GRIN2A: variants seen among roughly 807,000 people sequenced by gnomAD.
The protein encoded by GRIN2A is glutamate ionotropic receptor NMDA type subunit 2A, also known as glutamate receptor ionotropic, NMDA 2A.
Under a neutral mutation model 113.4 loss-of-function variants are expected in GRIN2A, and 22 were observed. The observed-to-expected ratio is 0.19, with a 90% CI of 0.14 to 0.28. The LOEUF (loss-of-function observed/expected upper bound fraction) is 0.28. Among genes scored for constraint, GRIN2A ranks in the 10% least tolerant of loss-of-function variants. The pLI, the probability that GRIN2A is intolerant of heterozygous loss-of-function variation, is 1.00. For synonymous variants in GRIN2A, 827 were observed against 738.4 expected (o/e 1.12, Z -1.94); for missense variants, 1,502 against 1,887.0 (o/e 0.80, Z 3.78).
chr16:9,968,527 GGT>G (rs1194897824), intron 2 of GRIN2A, among the ~76,000 whole-genome samples: 2 of 152,076 alleles, frequency 1.3e-5, no homozygotes, highest in African/African-American at 4.8e-5. Context: ...TGGCCAGGAT[GGT>G]CTCGAACTCC....
intron 2 of GRIN2A, among the ~76,000 whole-genome samples, chr16:10,035,759 T>C (rs2047014021): frequency 6.6e-6 from 1 of 151,416 alleles, no homozygotes; most frequent in African/African-American, 2.4e-5. Flanking sequence ...GGTCTCACTC[T>C]GTCACCCAGG....
intron 2 of GRIN2A, among the ~76,000 whole-genome samples, chr16:10,166,227 A>G (rs2049920389): frequency 6.6e-6 from 1 of 152,232 alleles, no homozygotes; most frequent in African/African-American, 2.4e-5. Flanking sequence ...GAGACAAGAT[A>G]GAGCAGGAGA....
intron 2 of GRIN2A, among the ~76,000 whole-genome samples, chr16:9,945,943 C>T (rs993355497): frequency 2.0e-5 from 3 of 152,074 alleles, no homozygotes; most frequent in Admixed American, 2.0e-4. Flanking sequence ...AGTTTACCAC[C>T]CAGAGCCAAG....
At chr16:9,945,568 T>C (rs1408093690) in intron 2 of GRIN2A, among the ~76,000 whole-genome samples, 1 of 152,180 alleles carries the variant, frequency 6.6e-6, no homozygotes, top group African/African-American at 2.4e-5. Flanking sequence ...ACAACTCCTC[T>C]GCTAAATGTG....
At chr16:10,014,060 C>T (rs575430897) in intron 2 of GRIN2A, among the ~76,000 whole-genome samples, 3 of 152,292 alleles carry the variant, frequency 2.0e-5, no homozygotes, top group African/African-American at 4.8e-5. Flanking sequence ...CCTGTGTCCC[C>T]GTCTAGATTG....
rs574042092 is a variant in GRIN2A, at chr16:10,100,717, C to A, written c.414+79281G>T. ...ATGTTATTTGAAGGCATAGTGCCCC[C>A]CTGCTGGATTCACTTTATAACAATC... is the stretch of plus-strand genomic sequence containing the variant. On this transcript the variant is annotated intron_variant, in intron 2 of 12. Transcript: ENST00000330684. Among the ~76,000 whole-genome samples the A allele has an allele frequency of 2.6e-5, 4 of 152,332 alleles. No individual in the cohort carries two copies. The East Asian group carries it at 7.7e-4, about 29-fold the overall frequency.
chr16:10,012,252 CTGAT>C (rs1255612447), intron 2 of GRIN2A, among the ~76,000 whole-genome samples: 6 of 152,150 alleles, frequency 3.9e-5, no homozygotes, highest in Admixed American at 3.9e-4. Context: ...TTGAATTGAA[CTGAT>C]TATGTGACAT....
intron 2 of GRIN2A, among the ~76,000 whole-genome samples, chr16:10,057,703 G>T (rs2047479363): frequency 6.6e-6 from 1 of 152,104 alleles, no homozygotes; most frequent in Non-Finnish European, 1.5e-5. Flanking sequence ...TTGGGTAAGT[G>T]CTACACACTC....
intron 7 of GRIN2A, among the ~76,000 whole-genome samples, chr16:9,840,371 A>G (rs898974443): frequency 6.6e-6 from 1 of 152,170 alleles, no homozygotes; most frequent in Non-Finnish European, 1.5e-5. Flanking sequence ...CTCACTCATT[A>G]TCACAAGAAC....
At chr16:9,938,680 C>A in intron 2 of GRIN2A, 129 bp from the exon 3 acceptor site, 1 of 716,934 alleles carries the variant, frequency 1.4e-6, no homozygotes, top group Non-Finnish European at 2.5e-6. Flanking sequence ...TGAGCATCTA[C>A]TATATCCCAG....
chr16:10,133,607 C>CA (rs1305973197), intron 2 of GRIN2A, among the ~76,000 whole-genome samples: 2 of 151,320 alleles, frequency 1.3e-5, no homozygotes, highest in African/African-American at 4.9e-5. Context: ...GATTCAGTCT[C>CA]AAAAAAAATA....
chr16:9,777,029 G>C (rs1901646102), intron 11 of GRIN2A, among the ~76,000 whole-genome samples: 1 of 152,126 alleles, frequency 6.6e-6, no homozygotes, highest in Non-Finnish European at 1.5e-5. Flanking sequence ...GATGTGGTCT[G>C]TGGCCTTGGA....
intron 2 of GRIN2A, among the ~76,000 whole-genome samples, chr16:10,094,553 G>A (rs560958083): frequency 6.6e-6 from 1 of 151,958 alleles, no homozygotes; most frequent in Non-Finnish European, 1.5e-5. Context: ...GGGTTCAAGC[G>A]ATTCTCCTGC....
chr16:9,972,983 T>A (rs895712479), intron 2 of GRIN2A, among the ~76,000 whole-genome samples: 1 of 152,186 alleles, frequency 6.6e-6, no homozygotes, highest in African/African-American at 2.4e-5. Context: ...ATTGGCTGTC[T>A]GGAGATGAAA....
At chr16:9,768,513 G>A (rs1015578112) in intron 12 of GRIN2A, among the ~76,000 whole-genome samples, 2 of 152,144 alleles carry the variant, frequency 1.3e-5, no homozygotes, top group Non-Finnish European at 2.9e-5. Flanking sequence ...TGGCTGCCAC[G>A]CTACTGGTGA....
intron 3 of GRIN2A, among the ~76,000 whole-genome samples, chr16:9,917,980 T>C (rs1307845188): frequency 6.6e-6 from 1 of 152,216 alleles, no homozygotes; most frequent in Non-Finnish European, 1.5e-5. Context: ...TTTTTTGTTC[T>C]ATTTTCCTTG....
intron 10 of GRIN2A, among the ~76,000 whole-genome samples, chr16:9,808,698 C>A (rs2042028518): frequency 6.6e-6 from 1 of 152,128 alleles, no homozygotes; most frequent in Non-Finnish European, 1.5e-5. Flanking sequence ...CCCCAAAATC[C>A]ACTCTCTGCA....
At chr16:10,095,258 T>G (rs1175774367) in intron 2 of GRIN2A, among the ~76,000 whole-genome samples, 1 of 152,200 alleles carries the variant, frequency 6.6e-6, no homozygotes, top group Admixed American at 6.5e-5. Flanking sequence ...AAATTTTTGT[T>G]GTTTAAGACA....
At chr16:9,928,719 C>T (rs867718185) in intron 3 of GRIN2A, among the ~76,000 whole-genome samples, 22 of 152,216 alleles carry the variant, frequency 1.4e-4, no homozygotes, top group African/African-American at 4.8e-4. Flanking sequence ...GTTCCATTAC[C>T]TTCTTATCTC....
Sources: gnomAD v4.1 joint callset for allele counts (sites outside exome capture counted in the v4.1 genomes callset) on GRCh38, gnomAD v4.1.1 for gene constraint, MANE v1.5 for transcripts, NCBI Gene and HGNC (gene_info 2026-07-23, HGNC 2026-07-21) for gene names.